Variants in MAGI1 observed in about 807,000 individuals in gnomAD.
The protein encoded by MAGI1 is membrane-associated guanylate kinase, WW and PDZ domain-containing protein 1.
A neutral mutation model predicts 139.9 loss-of-function variants in MAGI1; 58 were observed. That is an observed-to-expected ratio of 0.41 (90% CI 0.34 to 0.52). The LOEUF (loss-of-function observed/expected upper bound fraction) is 0.52, where lower values mean the gene tolerates loss of function less well. MAGI1 is among the 20% of genes least tolerant of loss of function. The probability of loss-of-function intolerance (pLI) is 0.12; values close to 1 mark genes in which losing one functional copy is unlikely to be tolerated. For missense variants in MAGI1, 1,874 were observed against 1,901.6 expected (o/e 0.99, Z 0.27); for synonymous variants, 812 against 737.9 (o/e 1.10, Z -1.63).
chr3:65,375,833 A>C lies in MAGI1; in HGVS notation c.3108T>G (p.Cys1036Trp), dbSNP rs1942470025. The change falls in exon 18 of 23, where the codon TGT (cysteine) becomes TGG (tryptophan). Residue 1036 changes from cysteine (C) to tryptophan (W), a missense_variant. This residue lies in a region of MAGI1 where 653 missense variants were observed against 644.5 expected (regional missense o/e 1.01). Transcript: ENST00000402939. The stretch of plus-strand genomic sequence containing the variant: ...CTGAATGGGATTTGTTGGTGATGGA[A>C]CATCCATTTACTGCCAAGATCCGGT... ...VGDRILAVNG[C>W]SITNKSHSDI... 6.2e-7 allele frequency: 1 copy of C among 1,614,100 alleles called. No homozygotes were observed. The highest frequency in any genetic ancestry group is 2.2e-5 in the East Asian group (1 of 44,870).
intron 1 of MAGI1, among the ~76,000 whole-genome samples, chr3:65,691,307 A>AAAAAAAAAAAAAAAAAAAAAAAAG (rs1388046202): frequency 3.3e-4 from 44 of 133,668 alleles, no homozygotes; most frequent in Non-Finnish European, 4.9e-4. Context: ...CGTCTCAAAA[A>AAAAAAAAAAAAAAAAAAAAAAAAG]AAAAAAAAGA....
At chr3:65,862,770 T>A (rs1393969498) in intron 1 of MAGI1, among the ~76,000 whole-genome samples, 1 of 152,240 alleles carries the variant, frequency 6.6e-6, no homozygotes, top group Non-Finnish European at 1.5e-5. Flanking sequence ...CCTAGAGCCC[T>A]GAATCACCAC....
At chr3:65,831,432 G>A (rs897337968) in intron 1 of MAGI1, among the ~76,000 whole-genome samples, 1 of 152,178 alleles carries the variant, frequency 6.6e-6, no homozygotes, top group Non-Finnish European at 1.5e-5. Flanking sequence ...TTTAAGGATG[G>A]AGCATGTGAA....
At chr3:65,998,031 A>T (rs567540341) in intron 1 of MAGI1, among the ~76,000 whole-genome samples, 1 of 148,226 alleles carries the variant, frequency 6.7e-6, no homozygotes, top group East Asian at 2.0e-4. Flanking sequence ...TGAACCCGGG[A>T]GGCAGAGGTT....
intron 1 of MAGI1, among the ~76,000 whole-genome samples, chr3:65,935,141 A>T (rs1275255477): frequency 1.3e-5 from 2 of 152,220 alleles, no homozygotes. Context: ...CATTGAAGCT[A>T]AAACCTAAAC....
intron 2 of MAGI1, among the ~76,000 whole-genome samples, chr3:65,602,117 T>C (rs771019960): frequency 7.6e-4 from 116 of 152,278 alleles, no homozygotes; most frequent in Admixed American, 2.5e-3. Flanking sequence ...TGTATGCTAA[T>C]ATAAAATGGT....
intron 15 of MAGI1, 139 bp from the exon 16 acceptor site, chr3:65,382,208 T>C (rs1357767051): frequency 3.1e-6 from 2 of 648,688 alleles, no homozygotes; most frequent in Admixed American, 6.4e-5. Context: ...ACCCACTGTG[T>C]ACAAGACATT....
intron 1 of MAGI1, among the ~76,000 whole-genome samples, chr3:65,814,156 G>A (rs145323598): frequency 1.2e-3 from 180 of 152,180 alleles, no homozygotes; most frequent in Admixed American, 3.3e-3. Context: ...TTTAGTAGCT[G>A]CTAAAGATAT....
intron 10 of MAGI1, among the ~76,000 whole-genome samples, chr3:65,432,547 G>C (rs1947538071): frequency 6.6e-6 from 1 of 152,194 alleles, no homozygotes; most frequent in South Asian, 2.1e-4. Flanking sequence ...TCGCTAACCT[G>C]CTCTCTAGCG....
chr3:65,701,416 C>T (rs530744600), intron 1 of MAGI1, among the ~76,000 whole-genome samples: 113 of 152,242 alleles, frequency 7.4e-4, no homozygotes, highest in Non-Finnish European at 1.2e-3. Flanking sequence ...CCACACCCAG[C>T]TAATTTTTGT....
At chr3:65,379,900 C>T (rs191089830) in intron 16 of MAGI1, among the ~76,000 whole-genome samples, 6 of 152,318 alleles carry the variant, frequency 3.9e-5, no homozygotes, top group African/African-American at 1.4e-4. Flanking sequence ...AGGGAAGGGC[C>T]TAAGCGTAGG....
At position 66,023,363 on chromosome 3, in the gene MAGI1, C is replaced by G. The variant is rs182868473; in HGVS notation, c.313+14633G>C. On this transcript the variant is annotated intron_variant, in intron 1 of 22. Coordinates refer to ENST00000402939, the MANE Select transcript of MAGI1 (RefSeq NM_001033057.2). ...TTTATAGTTTTAATTTAATAGAGGACCTTTCTTGGCTCCTTGATAGAAAAA... is the reference window on the plus strand; with the variant it reads ...TTTATAGTTTTAATTTAATAGAGGAGCTTTCTTGGCTCCTTGATAGAAAAA... Among the ~76,000 whole-genome samples the G allele has an allele frequency of 2.4e-3, 359 of 152,116 alleles. 1 individual carries two copies. The highest frequency in any genetic ancestry group is 8.4e-3 in the African/African-American group (348 of 41,468).
At chr3:65,756,224 G>C (rs1162255945) in intron 1 of MAGI1, among the ~76,000 whole-genome samples, 2 of 152,094 alleles carry the variant, frequency 1.3e-5, no homozygotes, top group Non-Finnish European at 2.9e-5. Context: ...AAAAAATAAA[G>C]AGTTAGAGAC....
intron 1 of MAGI1, among the ~76,000 whole-genome samples, chr3:65,888,117 C>T (rs2060603258): frequency 6.6e-6 from 1 of 152,208 alleles, no homozygotes; most frequent in African/African-American, 2.4e-5. Context: ...CTTCTCTCTA[C>T]TGTGAAAACA....
intron 3 of MAGI1, among the ~76,000 whole-genome samples, chr3:65,492,839 G>A (rs531643996): frequency 4.6e-5 from 7 of 152,174 alleles, no homozygotes; most frequent in African/African-American, 1.7e-4. Flanking sequence ...AGCACTTTGG[G>A]AGGCCAAGGC....
At chr3:65,691,582 A>T (rs2088657081) in intron 1 of MAGI1, among the ~76,000 whole-genome samples, 1 of 152,166 alleles carries the variant, frequency 6.6e-6, no homozygotes, top group Non-Finnish European at 1.5e-5. Flanking sequence ...CATTATGTTC[A>T]GGAAAACACT....
In MAGI1 at chr3:65,661,908, C is replaced by T. The variant is rs575258228; in HGVS notation, c.314-39820G>A. ...GATGACAGGTGCCCGCCACCATGCC[C>T]GGCTAAATTTTTGTATTTTTAGTAG... On this transcript the variant is annotated intron_variant, in intron 1 of 22. Transcript: ENST00000402939. Among the ~76,000 whole-genome samples the T allele has an allele frequency of 4.0e-5, 6 of 151,662 alleles. No individual in the cohort carries two copies. In the South Asian group the frequency reaches 1.3e-3, roughly 32 times the overall value.
rs113395828 is a variant in MAGI1 at position 65,844,370 on chromosome 3, C to G, written c.313+193626G>C. The G allele has an allele frequency of 1.7e-3, 562 of 333,854 alleles. 1 individual carries two copies. Among genetic ancestry groups the G allele is most frequent in the African/African-American group, 0.011 (527 of 45,910 alleles). 20.7% of individuals were successfully genotyped at this position (333,854 alleles called of 1,614,324 possible). The stretch of plus-strand genomic sequence containing the variant: ...GAAAAGGTACAAATTGTTCCTAAAG[C>G]AGAACAGAAAGTTACTCAGAAGAAA... On this transcript the variant is annotated intron_variant, in intron 1 of 22. Transcript: ENST00000402939.
intron 1 of MAGI1, among the ~76,000 whole-genome samples, chr3:65,906,034 T>G (rs1384718825): frequency 6.6e-6 from 1 of 152,218 alleles, no homozygotes; most frequent in Non-Finnish European, 1.5e-5. Flanking sequence ...TTTTGCTCAC[T>G]TGGTTTCTTT....
Sources: gnomAD v4.1 joint callset for allele counts (sites outside exome capture counted in the v4.1 genomes callset) on GRCh38, gnomAD v4.1.1 for gene constraint, gnomAD v4.1.1 regional missense constraint, MANE v1.5 for transcripts, NCBI Gene and HGNC (gene_info 2026-07-23, HGNC 2026-07-21) for gene names.